CDH18: variants seen among roughly 807,000 people sequenced by gnomAD.
CDH18 encodes cadherin 18, also known as cadherin-18.
A neutral mutation model predicts 67.9 loss-of-function variants in CDH18; 31 were observed. That is an observed-to-expected ratio of 0.46 (90% CI 0.34 to 0.62). The LOEUF (loss-of-function observed/expected upper bound fraction) is 0.62, where lower values mean the gene tolerates loss of function less well. Among genes scored for constraint, CDH18 ranks in the 20% least tolerant of loss-of-function variants. The pLI is 0.01. For missense variants in CDH18, 890 were observed against 975.5 expected (o/e 0.91, Z 1.17); for synonymous variants, 362 against 347.2 (o/e 1.04, Z -0.48).
At chr5:19,862,182 A>G (rs1397366811) in intron 2 of CDH18, among the ~76,000 whole-genome samples, 2 of 146,946 alleles carry the variant, frequency 1.4e-5, no homozygotes, top group East Asian at 2.0e-4. Flanking sequence ...AATTATTACT[A>G]TACATTTGAT....
intron 2 of CDH18, among the ~76,000 whole-genome samples, chr5:20,155,755 G>A (rs975489739): frequency 5.3e-5 from 8 of 152,004 alleles, no homozygotes; most frequent in African/African-American, 9.7e-5. Context: ...TTTGTATATG[G>A]TAAGAGATAA....
At chr5:20,503,627 T>C (rs1336111132) in intron 1 of CDH18, among the ~76,000 whole-genome samples, 1 of 152,186 alleles carries the variant, frequency 6.6e-6, no homozygotes, top group Non-Finnish European at 1.5e-5. Context: ...TAGCAATAGA[T>C]TTGAGAGGCA....
intron 1 of CDH18, among the ~76,000 whole-genome samples, chr5:20,509,219 C>A (rs1399771631): frequency 6.6e-6 from 1 of 152,070 alleles, no homozygotes; most frequent in Non-Finnish European, 1.5e-5. Flanking sequence ...AATTTTGTAT[C>A]CTTTGTCCAA....
intron 2 of CDH18, among the ~76,000 whole-genome samples, chr5:20,251,580 A>C (rs892603514): frequency 6.2e-4 from 94 of 152,228 alleles, no homozygotes; most frequent in Non-Finnish European, 1.9e-4. Flanking sequence ...AACCTTGCTA[A>C]GAGTTTGTAA....
intron 1 of CDH18, among the ~76,000 whole-genome samples, chr5:20,323,520 T>C (rs1229216212): frequency 1.3e-5 from 2 of 152,356 alleles, no homozygotes; most frequent in Non-Finnish European, 2.9e-5. Flanking sequence ...GTTTGTTCTA[T>C]GTGTTTGAAA....
rs994271158 is a variant in CDH18, at chr5:19,664,891, G to C, written c.644-52290C>G. On this transcript the variant is annotated intron_variant, in intron 5 of 12. Coordinates refer to ENST00000382275, the MANE Select transcript of CDH18 (RefSeq NM_004934.5). ...CCATGTCAGTTTTATTTACATCTCT[G>C]TATATCCACTTGTAGAATAAGGACT... Among the ~76,000 whole-genome samples, 3 of 151,804 alleles carry C rather than the reference G, an allele frequency of 2.0e-5. No individual in the cohort carries two copies. The Admixed American group carries it at 2.0e-4, about 10-fold the overall frequency.
chr5:20,103,770 A>G (rs983055986), intron 2 of CDH18, among the ~76,000 whole-genome samples: 4 of 148,986 alleles, frequency 2.7e-5, no homozygotes, highest in African/African-American at 9.8e-5. Context: ...GTATAATTTA[A>G]TATAGAATTT....
At chr5:19,792,162 A>G (rs1364615828) in intron 3 of CDH18, among the ~76,000 whole-genome samples, 1 of 152,106 alleles carries the variant, frequency 6.6e-6, no homozygotes, top group African/African-American at 2.4e-5. Context: ...GAATTAGTAG[A>G]TAGAGTAAAA....
At chr5:19,478,886 A>T (rs1039669007) in intron 12 of CDH18, among the ~76,000 whole-genome samples, 3 of 152,154 alleles carry the variant, frequency 2.0e-5, no homozygotes, top group African/African-American at 7.2e-5. Context: ...CTCACTCTAA[A>T]TTCTCTTCCA....
intron 2 of CDH18, among the ~76,000 whole-genome samples, chr5:20,143,680 T>C (rs1020670398): frequency 1.3e-5 from 2 of 152,182 alleles, no homozygotes; most frequent in African/African-American, 4.8e-5. Context: ...AGATGAGATT[T>C]CTAAGCAAAG....
chr5:20,568,567 CTA>C (rs1758641883), intron 1 of CDH18, among the ~76,000 whole-genome samples: 1 of 151,914 alleles, frequency 6.6e-6, no homozygotes, highest in African/African-American at 2.4e-5. Flanking sequence ...TAAAAGCAAA[CTA>C]AAATTATTAA....
intron 5 of CDH18, among the ~76,000 whole-genome samples, chr5:19,645,718 T>C (rs190482214): frequency 6.6e-6 from 1 of 152,236 alleles, no homozygotes; most frequent in East Asian, 1.9e-4. Context: ...ACAAGAAAGA[T>C]GGATAAAATT....
intron 5 of CDH18, among the ~76,000 whole-genome samples, chr5:19,617,504 A>G (rs1404829408): frequency 8.5e-5 from 13 of 152,194 alleles, no homozygotes; most frequent in Non-Finnish European, 4.4e-5. Flanking sequence ...ATTTCCATAA[A>G]TTACTGCATT....
chr5:20,057,288 CTG>C (rs1297129790), intron 2 of CDH18, among the ~76,000 whole-genome samples: 2 of 152,148 alleles, frequency 1.3e-5, no homozygotes, highest in Non-Finnish European at 2.9e-5. Flanking sequence ...AAAGAAGTAA[CTG>C]TCAGTTTTGA....
At chr5:20,015,933 A>C (rs1180279292) in intron 2 of CDH18, among the ~76,000 whole-genome samples, 1 of 152,146 alleles carries the variant, frequency 6.6e-6, no homozygotes, top group Non-Finnish European at 1.5e-5. Context: ...AACAGGGGAA[A>C]CATCTAAATT....
chr5:20,251,176 C>G (rs1454403827), intron 2 of CDH18, among the ~76,000 whole-genome samples: 1 of 152,018 alleles, frequency 6.6e-6, no homozygotes, highest in African/African-American at 2.4e-5. Flanking sequence ...TGTACAATTA[C>G]CTACAGACTT....
At chr5:19,949,980 T>C (rs1485220149) in intron 2 of CDH18, among the ~76,000 whole-genome samples, 1 of 151,092 alleles carries the variant, frequency 6.6e-6, no homozygotes, top group Non-Finnish European at 1.5e-5. Context: ...ATGATATATA[T>C]ATATATATTA....
At chr5:20,287,284 C>T (rs1271040877) in intron 1 of CDH18, among the ~76,000 whole-genome samples, 2 of 151,724 alleles carry the variant, frequency 1.3e-5, no homozygotes, top group Admixed American at 1.3e-4. Context: ...ATGGTCTAAT[C>T]TGTCATCCTT....
At chr5:20,249,111 T>C (rs1307032786) in intron 2 of CDH18, among the ~76,000 whole-genome samples, 4 of 152,120 alleles carry the variant, frequency 2.6e-5, no homozygotes, top group Non-Finnish European at 5.9e-5. Flanking sequence ...TAATATCAAC[T>C]GTACAAAAAT....
Sources: gnomAD v4.1 joint callset for allele counts (sites outside exome capture counted in the v4.1 genomes callset) on GRCh38, gnomAD v4.1.1 for gene constraint, MANE v1.5 for transcripts, NCBI Gene and HGNC (gene_info 2026-07-23, HGNC 2026-07-21) for gene names.